Variants in ROR2 observed in about 807,000 individuals in gnomAD.
The protein encoded by ROR2 is tyrosine-protein kinase transmembrane receptor ROR2.
A neutral mutation model predicts 74.9 loss-of-function variants in ROR2; 33 were observed. That is an observed-to-expected ratio of 0.44 (90% CI 0.33 to 0.59). The LOEUF (loss-of-function observed/expected upper bound fraction) is 0.59, where lower values mean the gene tolerates loss of function less well. Among genes scored for constraint, ROR2 ranks in the 20% least tolerant of loss-of-function variants. ROR2 has a pLI of 0.02. For synonymous variants in ROR2, 586 were observed against 558.7 expected (o/e 1.05, Z -0.69); for missense variants, 1,216 against 1,313.8 (o/e 0.93, Z 1.15).
In ROR2 at chr9:91,786,158, CAAAAAA is replaced by C. The variant is rs35972600; in HGVS notation, c.98-10346_98-10341del. On this transcript the variant is annotated intron_variant, in intron 1 of 8. Coordinates refer to ENST00000375708, the MANE Select transcript of ROR2 (RefSeq NM_004560.4). Reference sequence around the variant, plus strand: ...TAACATACGGAAACCCTGTTTCTACCAAAAAAAAAAAAAAAAAAAAAAGCCAGGTAT... The same window carrying C: ...TAACATACGGAAACCCTGTTTCTACCAAAAAAAAAAAAAAAAGCCAGGTAT... 1.4e-4 allele frequency among the ~76,000 whole-genome samples: 8 copies of C among 56,540 alleles called. 1 individual carries two copies. The highest frequency in any genetic ancestry group is 2.3e-4 in the African/African-American group (3 of 13,318). The allele number at this position is 56,540 out of a possible 152,430, so 37.1% of individuals were successfully genotyped here.
chr9:91,840,290 C>G (rs1373399733), intron 1 of ROR2, among the ~76,000 whole-genome samples: 1 of 152,150 alleles, frequency 6.6e-6, no homozygotes, highest in Non-Finnish European at 1.5e-5. Flanking sequence ...TTCTCTTTCT[C>G]TTTCTAACCT....
chr9:91,877,058 A>G (rs1304614715), intron 1 of ROR2, among the ~76,000 whole-genome samples: 2 of 152,220 alleles, frequency 1.3e-5, no homozygotes, highest in South Asian at 4.1e-4. Context: ...AAAAGGAATG[A>G]GGCTTCAAGT....
intron 1 of ROR2, among the ~76,000 whole-genome samples, chr9:91,826,797 A>G (rs1312129719): frequency 1.3e-5 from 2 of 150,144 alleles, no homozygotes; most frequent in East Asian, 3.9e-4. Flanking sequence ...AAAAAAAAGA[A>G]AAAAGAAAAA....
At chr9:91,725,241 G>A (rs1319438369) in intron 8 of ROR2, 134 bp from the exon 9 acceptor site, 11 of 1,498,010 alleles carry the variant, frequency 7.3e-6, no homozygotes, top group African/African-American at 2.7e-5. Context: ...CGCTGGTTTT[G>A]CCCACCCAGC....
At chr9:91,928,646 A>G (rs1028892076) in intron 1 of ROR2, among the ~76,000 whole-genome samples, 5 of 152,192 alleles carry the variant, frequency 3.3e-5, no homozygotes, top group African/African-American at 1.2e-4. Context: ...TCTCTACCTC[A>G]GTTTCCCCAT....
chr9:91,769,201 T>C (rs1826150402), intron 2 of ROR2, among the ~76,000 whole-genome samples: 1 of 152,028 alleles, frequency 6.6e-6, no homozygotes, highest in Admixed American at 6.5e-5. Context: ...GGAGCTTCTC[T>C]TTGCGCCCAC....
intron 1 of ROR2, among the ~76,000 whole-genome samples, chr9:91,822,020 A>G (rs1376960887): frequency 6.6e-6 from 1 of 152,234 alleles, no homozygotes; most frequent in Non-Finnish European, 1.5e-5. Flanking sequence ...CAGTTAAACA[A>G]AAACCAAGAA....
At chr9:91,852,219 T>C (rs1160150161) in intron 1 of ROR2, among the ~76,000 whole-genome samples, 1 of 152,216 alleles carries the variant, frequency 6.6e-6, no homozygotes, top group African/African-American at 2.4e-5. Flanking sequence ...ATCTCTGTAT[T>C]GGTGCTAACA....
chr9:91,929,951 G>C (rs1186115148), intron 1 of ROR2, among the ~76,000 whole-genome samples: 2 of 152,012 alleles, frequency 1.3e-5, no homozygotes, highest in Non-Finnish European at 2.9e-5. Context: ...TGCTGTCTTT[G>C]TTTTCATTCC....
chr9:91,884,103 G>A (rs1478297935), intron 1 of ROR2, among the ~76,000 whole-genome samples: 1 of 152,194 alleles, frequency 6.6e-6, no homozygotes, highest in Admixed American at 6.5e-5. Context: ...CTGTACTTCT[G>A]AAGTCAAGGT....
At chr9:91,725,721 C>T (rs1837005146) in intron 8 of ROR2, among the ~76,000 whole-genome samples, 1 of 151,936 alleles carries the variant, frequency 6.6e-6, no homozygotes, top group African/African-American at 2.4e-5. Context: ...TGATAGGAGC[C>T]CTGAGAACCC....
At chr9:91,822,908 C>A (rs1828176654) in intron 1 of ROR2, among the ~76,000 whole-genome samples, 1 of 152,134 alleles carries the variant, frequency 6.6e-6, no homozygotes, top group Admixed American at 6.5e-5. Flanking sequence ...AGTCTGACAG[C>A]AAACACAAGG....
Position 91,726,619 on chromosome 9 carries a change from C to T in ROR2, c.1308G>A (p.Ala436=), listed in dbSNP as rs1453298083. 12 of 1,613,804 alleles carry T rather than the reference C, an allele frequency of 7.4e-6. No individual in the cohort carries two copies. Among genetic ancestry groups the T allele is most frequent in the East Asian group, 4.5e-5 (2 of 44,880 alleles). ...CMCRNKQKAS[A]STPQRRQLMA... ...TCAGCTGTCGCCGCTGCGGTGTGGACGCAGATGCCTTCTGCTTATTCCGGC... is the reference window on the plus strand; with the variant it reads ...TCAGCTGTCGCCGCTGCGGTGTGGATGCAGATGCCTTCTGCTTATTCCGGC... The change falls in exon 8 of 9, where the codon GCG becomes GCA. Residue 436 remains alanine (A), a synonymous_variant. Coordinates refer to ENST00000375708, the MANE Select transcript of ROR2 (RefSeq NM_004560.4).
At position 91,724,133 on chromosome 9, in the gene ROR2, C is replaced by T. The variant is rs1323736378; in HGVS notation, c.2361G>A (p.Val787=). ...AGGGCGGGGCCTTCTGCTTGGGCCC[C>T]ACGTAGCGGGCGTTGCTCACATTGC... The part of the protein sequence containing the change: ...PVSNVSNARY[V]GPKQKAPPFP... Residue 787 remains valine, a synonymous_variant, in exon 9 of 9, where the codon GTG becomes GTA. Transcript: ENST00000375708. The T allele has an allele frequency of 1.2e-6, 2 of 1,611,046 alleles. No homozygotes were observed. Among genetic ancestry groups the T allele is most frequent in the Non-Finnish European group, 8.5e-7 (1 of 1,179,992 alleles).
In ROR2 at chr9:91,914,108, T is replaced by C. The variant is rs192235143; in HGVS notation, c.97+35759A>G. ...CCCAAGTCTGACCACCGCTGCCAAG[T>C]GCCAATGCCCCCGTGTGCTTGCTGG... On this transcript the variant is annotated intron_variant, in intron 1 of 8. Transcript: ENST00000375708. Among the ~76,000 whole-genome samples the C allele has an allele frequency of 3.4e-3, 520 of 152,252 alleles. 2 individuals are homozygous for C. The highest frequency in any genetic ancestry group is 4.9e-3 in the Non-Finnish European group (332 of 68,028).
At chr9:91,727,605 G>A (rs1302756483) in intron 7 of ROR2, among the ~76,000 whole-genome samples, 4 of 152,134 alleles carry the variant, frequency 2.6e-5, no homozygotes, top group Admixed American at 6.5e-5. Context: ...AAGTGGTGCC[G>A]TTTCAGGACG....
intron 1 of ROR2, among the ~76,000 whole-genome samples, chr9:91,874,498 C>T (rs1404309474): frequency 6.6e-6 from 1 of 152,116 alleles, no homozygotes; most frequent in African/African-American, 2.4e-5. Context: ...AAAAAAAATC[C>T]GTGTTCGAAA....
At chr9:91,775,247 G>A (rs925550293) in intron 2 of ROR2, among the ~76,000 whole-genome samples, 12 of 152,220 alleles carry the variant, frequency 7.9e-5, no homozygotes. Context: ...TCAAGCCACA[G>A]GTCTGCATCC....
chr9:91,876,171 A>T lies in ROR2; in HGVS notation c.97+73696T>A, dbSNP rs537934548. Among the ~76,000 whole-genome samples, 47 of 152,252 alleles carry T rather than the reference A, an allele frequency of 3.1e-4. No individual in the cohort carries two copies. The East Asian group carries it at 8.3e-3, about 27-fold the overall frequency. On this transcript the variant is annotated intron_variant, in intron 1 of 8. Coordinates refer to ENST00000375708, the MANE Select transcript of ROR2 (RefSeq NM_004560.4). ...GTAGATCACTTGAGGTCAGGAATTCAAGGCCAGCTTGGCCAACATGGTAAA... is the reference window on the plus strand; with the variant it reads ...GTAGATCACTTGAGGTCAGGAATTCTAGGCCAGCTTGGCCAACATGGTAAA...
Sources: allele counts gnomAD v4.1 joint callset (sites outside exome capture counted in the v4.1 genomes callset), GRCh38; gene constraint gnomAD v4.1.1; transcripts MANE v1.5; gene names NCBI Gene and HGNC (gene_info 2026-07-23, HGNC 2026-07-21).